The following RBFOX3 variants were observed in gnomAD, a reference collection of about 807,000 sequenced individuals.
RBFOX3 encodes the protein RNA binding protein fox-1 homolog 3.
Under a neutral mutation model 48.7 loss-of-function variants are expected in RBFOX3, and 17 were observed. That is an observed-to-expected ratio of 0.35 (90% CI 0.24 to 0.52). The LOEUF (loss-of-function observed/expected upper bound fraction) is 0.52, where lower values mean the gene tolerates loss of function less well. RBFOX3 is among the 20% of genes least tolerant of loss of function. The probability of loss-of-function intolerance (pLI) is 0.94; values close to 1 mark genes in which losing one functional copy is unlikely to be tolerated. For missense variants in RBFOX3, 382 were observed against 497.5 expected (o/e 0.77, Z 2.21); for synonymous variants, 212 against 209.5 (o/e 1.01, Z -0.10).
rs977116307 is a variant in RBFOX3, at chr17:79,204,273, ACGCCGGGGAGCGGACACACACCAGCGGG to A, written c.-34+31465_-34+31492del. 3.3e-5 allele frequency among the ~76,000 whole-genome samples: 5 copies of A among 152,178 alleles called. No homozygotes were observed. The highest frequency in any genetic ancestry group is 1.9e-4 in the East Asian group (1 of 5,174). ...AGACCCAGTGGATACACACCAGTGG[ACGCCGGGGAGCGGACACACACCAGCGGG>A]CGCCGGGGAGCGGGTACACACCAGC... On this transcript the variant is annotated intron_variant, in intron 4 of 14. Coordinates refer to ENST00000693108, the MANE Select transcript of RBFOX3 (RefSeq NM_001350451.2). This position sits in a 1 kb window ranked among gnomAD's most constrained non-coding sequence, Gnocchi z 4.5.
rs1203679059 is a variant in RBFOX3 at position 79,362,888 on chromosome 17, C to CTGT, written c.-174-55065_-174-55064insACA. Among the ~76,000 whole-genome samples the CTGT allele has an allele frequency of 1.3e-5, 2 of 152,156 alleles. No homozygotes were observed. Among genetic ancestry groups the CTGT allele is most frequent in the African/African-American group, 2.4e-5 (1 of 41,430 alleles). On this transcript the variant is annotated intron_variant, in intron 2 of 14. Coordinates refer to ENST00000693108, the MANE Select transcript of RBFOX3 (RefSeq NM_001350451.2). This position sits in a 1 kb window ranked among gnomAD's most constrained non-coding sequence, Gnocchi z 4.2. ...ACCTCATTCTCGGACACTTCGAGGCCACACAGGTGTGAGAGGTCCCACTCC... is the reference window on the plus strand; with the variant it reads ...ACCTCATTCTCGGACACTTCGAGGCCTGTACACAGGTGTGAGAGGTCCCACTCC...
At chr17:79,462,867 T>C (rs1339632776) in intron 2 of RBFOX3, among the ~76,000 whole-genome samples, 2 of 152,176 alleles carry the variant, frequency 1.3e-5, no homozygotes, top group African/African-American at 4.8e-5. Flanking sequence ...TATCTGACAT[T>C]TACTTCTTCT....
At chr17:79,191,641 C>G (rs1306628233) in intron 4 of RBFOX3, among the ~76,000 whole-genome samples, 1 of 152,194 alleles carries the variant, frequency 6.6e-6, no homozygotes, top group Non-Finnish European at 1.5e-5. Flanking sequence ...AGGCGGCCGG[C>G]GGCGGGAGGT....
At chr17:79,494,219 C>T (rs1555773988) in intron 1 of RBFOX3, among the ~76,000 whole-genome samples, 1 of 152,196 alleles carries the variant, frequency 6.6e-6, no homozygotes, top group African/African-American at 2.4e-5. Context: ...GGCTGTACAA[C>T]TGGGCTAGGT....
intron 2 of RBFOX3, among the ~76,000 whole-genome samples, chr17:79,319,189 G>A (rs551177557): frequency 1.8e-4 from 27 of 152,238 alleles, no homozygotes; most frequent in Middle Eastern, 3.4e-3. Context: ...CTTCCCAGAC[G>A]GTTTTTCCTG....
At chr17:79,193,461 A>G (rs1185637996) in intron 4 of RBFOX3, among the ~76,000 whole-genome samples, 1 of 151,844 alleles carries the variant, frequency 6.6e-6, no homozygotes, top group Non-Finnish European at 1.5e-5. Flanking sequence ...CCAACCCCCT[A>G]CTGCTGTTTT....
intron 3 of RBFOX3, among the ~76,000 whole-genome samples, chr17:79,304,880 G>A (rs1377022751): frequency 6.6e-6 from 1 of 152,188 alleles, no homozygotes; most frequent in Admixed American, 6.5e-5. Flanking sequence ...TCTCGAGGCA[G>A]AGTCTTGCTT....
chr17:79,095,821 G>T (rs1272456596), intron 12 of RBFOX3, among the ~76,000 whole-genome samples: 1 of 152,216 alleles, frequency 6.6e-6, no homozygotes, highest in African/African-American at 2.4e-5. Context: ...AGGCAGGTCT[G>T]CCTGTCCACT....
At chr17:79,099,893 G>A (rs985142980) in intron 9 of RBFOX3, 1 of 152,248 alleles carries the variant, frequency 6.6e-6, no homozygotes, top group Admixed American at 6.5e-5. Context: ...ATTCCAGAGT[G>A]TTGGGTAGTG....
chr17:79,433,758 T>C (rs1210314502), intron 2 of RBFOX3, among the ~76,000 whole-genome samples: 1 of 150,198 alleles, frequency 6.7e-6, no homozygotes, highest in African/African-American at 2.4e-5. Context: ...ACATTTGCCA[T>C]GGTTATGTTC....
chr17:79,106,983 CAG>C (rs1381729292), intron 5 of RBFOX3, among the ~76,000 whole-genome samples, 195 bp from the exon 6 acceptor site: 3 of 152,222 alleles, frequency 2.0e-5, no homozygotes, highest in African/African-American at 4.8e-5. Flanking sequence ...GCACCTCACA[CAG>C]AGAGGCCCCA....
At chr17:79,417,791 C>A (rs1285084970) in intron 2 of RBFOX3, among the ~76,000 whole-genome samples, 1 of 152,392 alleles carries the variant, frequency 6.6e-6, no homozygotes, top group African/African-American at 2.4e-5. Flanking sequence ...GGCAGCATCA[C>A]TCTCAATAGC....
chr17:79,103,219 A>G lies in RBFOX3; in HGVS notation c.450T>C (p.Asp150=). The change falls in exon 8 of 15, where the codon GAT becomes GAC. Residue 150 remains aspartate, a synonymous_variant. Coordinates refer to ENST00000693108, the MANE Select transcript of RBFOX3 (RefSeq NM_001350451.2). This position sits in a 1 kb window ranked among gnomAD's most constrained non-coding sequence, Gnocchi z 6.1. ...FGFVTFETSS[D]ADRAREKLNG... ...TCAGCTTCTCCCGGGCTCGGTCAGC[A>G]TCTGAGCTAGTTTCAAAAGTTACAA... 1 of 1,551,362 alleles carries G rather than the reference A, an allele frequency of 6.4e-7. No individual in the cohort carries two copies. The highest frequency in any genetic ancestry group is 1.2e-5 in the South Asian group (1 of 84,066).
At position 79,090,653 on chromosome 17, in the gene RBFOX3, G is replaced by A. The variant is rs938899402; in HGVS notation, c.*230C>T. On this transcript the variant is annotated 3_prime_UTR_variant, in exon 15 of 15. Coordinates refer to ENST00000693108, the MANE Select transcript of RBFOX3 (RefSeq NM_001350451.2). ...ACTGTGCTGCCAGCCAGGACGCGGT[G>A]GGGCCGTCCTGTCCTGGGGCCGCTC... 7.5e-6 allele frequency: 4 copies of A among 536,814 alleles called. No homozygotes were observed. The Admixed American group carries it at 1.4e-4, about 19-fold the overall frequency. The allele number at this position is 536,814 out of a possible 1,614,324, so 33.3% of individuals were successfully genotyped here.
At chr17:79,536,686 T>C (rs1417354705) in intron 1 of RBFOX3, among the ~76,000 whole-genome samples, 2 of 152,180 alleles carry the variant, frequency 1.3e-5, no homozygotes, top group African/African-American at 4.8e-5. Context: ...AGTCCCACAC[T>C]GTATCATCCG....
intron 3 of RBFOX3, among the ~76,000 whole-genome samples, chr17:79,286,634 C>G (rs1192325876): frequency 6.6e-6 from 1 of 152,238 alleles, no homozygotes; most frequent in African/African-American, 2.4e-5. Flanking sequence ...CCCGAGAGAG[C>G]TGCATTTCAC....
chr17:79,525,695 C>T (rs967892176), intron 1 of RBFOX3, among the ~76,000 whole-genome samples: 3 of 152,182 alleles, frequency 2.0e-5, no homozygotes, highest in Non-Finnish European at 2.9e-5. Flanking sequence ...ATTAGAATTC[C>T]AATCACCATC....
At chr17:79,145,913 C>T (rs946951022) in intron 4 of RBFOX3, among the ~76,000 whole-genome samples, 3 of 151,302 alleles carry the variant, frequency 2.0e-5, no homozygotes, top group Non-Finnish European at 4.4e-5. Flanking sequence ...CAAAGGCCGC[C>T]GGGGGCAGGG....
intron 2 of RBFOX3, among the ~76,000 whole-genome samples, chr17:79,439,411 C>G (rs1195105645): frequency 6.6e-6 from 1 of 152,232 alleles, no homozygotes; most frequent in African/African-American, 2.4e-5. Flanking sequence ...CTCTCCTCGC[C>G]TTTGCCCAGA....
Sources: gnomAD v4.1 joint callset for allele counts (sites outside exome capture counted in the v4.1 genomes callset) on GRCh38, gnomAD v4.1.1 for gene constraint, Gnocchi (gnomAD v3.1) non-coding constraint, MANE v1.5 for transcripts, NCBI Gene and HGNC (gene_info 2026-07-23, HGNC 2026-07-21) for gene names.